The following CTNNB1 variants were observed in gnomAD, a reference collection of about 807,000 sequenced individuals.
The protein encoded by CTNNB1 is catenin beta 1, also known as catenin beta-1.
A neutral mutation model predicts 82.5 loss-of-function variants in CTNNB1; 6 were observed. The ratio of observed to expected loss-of-function variants is 0.07; its 90% confidence interval spans 0.04 to 0.14. The LOEUF (loss-of-function observed/expected upper bound fraction) is 0.14, where lower values mean the gene tolerates loss of function less well. Among genes scored for constraint, CTNNB1 ranks in the 10% least tolerant of loss-of-function variants. The probability of loss-of-function intolerance (pLI) is 1.00; values close to 1 mark genes in which losing one functional copy is unlikely to be tolerated. For missense variants in CTNNB1, 529 were observed against 980.4 expected, an observed-to-expected ratio of 0.54 and a Z score of 6.15; for synonymous variants, 312 against 329.7, an observed-to-expected ratio of 0.95 and a Z score of 0.58.
intron 1 of CTNNB1, among the ~76,000 whole-genome samples, chr3:41,217,701 A>G (rs1187229960): frequency 6.6e-6 from 1 of 152,220 alleles, no homozygotes. Context: ...CCTTATTAGC[A>G]GTAGATATTA....
At chr3:41,217,814 T>A (rs930142294) in intron 1 of CTNNB1, among the ~76,000 whole-genome samples, 1 of 152,230 alleles carries the variant, frequency 6.6e-6, no homozygotes, top group South Asian at 2.1e-4. Context: ...CTTTGAAATG[T>A]TATTTCTTGT....
chr3:41,204,422 T>C (rs1323622936), intron 1 of CTNNB1, among the ~76,000 whole-genome samples: 3 of 152,234 alleles, frequency 2.0e-5, no homozygotes, highest in Admixed American at 6.5e-5. Flanking sequence ...GTTCAAGATA[T>C]GTTACTAAGA....
At chr3:41,209,630 A>C (rs890607903) in intron 1 of CTNNB1, among the ~76,000 whole-genome samples, 2 of 152,344 alleles carry the variant, frequency 1.3e-5, no homozygotes, top group East Asian at 3.9e-4. Context: ...ACAAACCTAG[A>C]TGGTATAGCC....
At chr3:41,234,717 C>T (rs1181681155) in intron 10 of CTNNB1, 1 of 202,776 alleles carries the variant, frequency 4.9e-6, no homozygotes, top group African/African-American at 2.3e-5. Context: ...GTGAGTTAAA[C>T]TTTTTTCATG....
chr3:41,221,290 C>T (rs1195907645), intron 1 of CTNNB1: 1 of 151,420 alleles, frequency 6.6e-6, no homozygotes, highest in Admixed American at 6.6e-5. Context: ...GGGTGTAAAG[C>T]TGTATAGCGT....
At chr3:41,204,417 AG>A (rs1318337580) in intron 1 of CTNNB1, among the ~76,000 whole-genome samples, 1 of 152,226 alleles carries the variant, frequency 6.6e-6, no homozygotes, top group African/African-American at 2.4e-5. Context: ...TTGATGTTCA[AG>A]ATATGTTACT....
intron 1 of CTNNB1, among the ~76,000 whole-genome samples, chr3:41,211,412 G>T (rs1022164681): frequency 6.6e-6 from 1 of 152,044 alleles, no homozygotes; most frequent in African/African-American, 2.4e-5. Context: ...TAGATTCAGG[G>T]TGTACATGTG....
chr3:41,211,094 A>G (rs1310432893), intron 1 of CTNNB1: 1 of 456,418 alleles, frequency 2.2e-6, no homozygotes, highest in Non-Finnish European at 4.4e-6. Flanking sequence ...TGTCTGGCCC[A>G]CTGTACTTTT....
At chr3:41,207,845 C>T (rs1026277567) in intron 1 of CTNNB1, among the ~76,000 whole-genome samples, 3 of 152,238 alleles carry the variant, frequency 2.0e-5, no homozygotes, top group African/African-American at 7.2e-5. Context: ...TTGCAGCTCT[C>T]TCAAGTGGTG....
Position 41,239,481 on chromosome 3 carries a change from A to AT in CTNNB1, c.*140dup. 1 of 727,224 alleles carries AT rather than the reference A, an allele frequency of 1.4e-6. No homozygotes were observed. The highest frequency in any genetic ancestry group is 2.4e-6 in the Non-Finnish European group (1 of 417,732). 45.0% of individuals were successfully genotyped at this position (727,224 alleles called of 1,614,324 possible). ...GTAAATCTGCCACAAAAACAGGTAT[A>AT]TACTTTGAAAGGAGATGTCTTGGAA... On this transcript the variant is annotated 3_prime_UTR_variant, in exon 15 of 15. Coordinates refer to ENST00000349496, the MANE Select transcript of CTNNB1 (RefSeq NM_001904.4).
At chr3:41,205,641 A>G (rs1022579813) in intron 1 of CTNNB1, among the ~76,000 whole-genome samples, 7 of 151,782 alleles carry the variant, frequency 4.6e-5, no homozygotes, top group Non-Finnish European at 1.0e-4. Flanking sequence ...ACGCCACTGC[A>G]CTCCAGCTGG....
chr3:41,224,844 TGTG>T (rs1366646953), intron 3 of CTNNB1, 91 bp downstream of exon 3: 1 of 1,596,912 alleles, frequency 6.3e-7, no homozygotes, highest in Non-Finnish European at 8.6e-7. Flanking sequence ...AATAAAATGT[TGTG>T]GTGAAGAAAA....
chr3:41,226,760 G>T (rs1398108292), intron 6 of CTNNB1, among the ~76,000 whole-genome samples: 3 of 152,102 alleles, frequency 2.0e-5, no homozygotes, highest in East Asian at 3.9e-4. Flanking sequence ...AAGCATGAAT[G>T]ATCATTTTAT....
chr3:41,225,407 G>C lies in CTNNB1; in HGVS notation c.569G>C (p.Arg190Pro). The change falls in exon 5 of 15, where the codon CGT (arginine) becomes CCT (proline). Residue 190 changes from arginine to proline, a missense_variant. Coordinates refer to ENST00000349496, the MANE Select transcript of CTNNB1 (RefSeq NM_001904.4). This position sits in a 1 kb window ranked among gnomAD's most constrained non-coding sequence, Gnocchi z 5.3. ...GAAGCTTCCAGACACGCTATCATGC[G>C]TTCTCCTCAGATGGTGTCTGCTATT... ...KKEASRHAIM[R>P]SPQMVSAIVR... 1.9e-6 allele frequency: 3 copies of C among 1,613,838 alleles called. No homozygotes were observed. Among genetic ancestry groups the C allele is most frequent in the Non-Finnish European group, 2.5e-6 (3 of 1,179,942 alleles).
In CTNNB1 at chr3:41,235,882, A is replaced by T. The variant is rs1208427668; in HGVS notation, c.1803+39A>T. 1.9e-6 allele frequency: 3 copies of T among 1,612,404 alleles called. No homozygotes were observed. The Admixed American group carries it at 5.0e-5, about 27-fold the overall frequency. On this transcript the variant is annotated intron_variant, in intron 11 of 14. Transcript: ENST00000349496. ...GAAGTGTTCTAGGTTTTATGTCCAT[A>T]AAATTTCCAGATTGTAATGACTAAT... is the stretch of plus-strand genomic sequence containing the variant.
chr3:41,202,370 G>C (rs1303614129), intron 1 of CTNNB1, among the ~76,000 whole-genome samples: 1 of 152,184 alleles, frequency 6.6e-6, no homozygotes, highest in Non-Finnish European at 1.5e-5. Context: ...TTTAGAACTG[G>C]ACAAACTTCT....
intron 1 of CTNNB1, among the ~76,000 whole-genome samples, chr3:41,203,537 TAATG>T (rs1452231541): frequency 6.6e-6 from 1 of 152,160 alleles, no homozygotes; most frequent in Non-Finnish European, 1.5e-5. Context: ...AGAAAAAAAT[TAATG>T]AAAATGTGAA....
At chr3:41,235,637 A>G in intron 10 of CTNNB1, 87 bp from the exon 11 acceptor site, 1 of 1,560,566 alleles carries the variant, frequency 6.4e-7, no homozygotes, top group Non-Finnish European at 8.8e-7. Context: ...CTTCGGGTAT[A>G]TAATGTAAAT....
At chr3:41,236,228 A>G in intron 11 of CTNNB1, 121 bp from the exon 12 acceptor site, 1 of 1,149,580 alleles carries the variant, frequency 8.7e-7, no homozygotes, top group Non-Finnish European at 1.3e-6. Flanking sequence ...TTCAGAGAAT[A>G]TTATTTACTA....
Sources: allele counts gnomAD v4.1 joint callset (sites outside exome capture counted in the v4.1 genomes callset), GRCh38; gene constraint gnomAD v4.1.1; non-coding constraint Gnocchi (gnomAD v3.1); transcripts MANE v1.5; gene names NCBI Gene and HGNC (gene_info 2026-07-23, HGNC 2026-07-21).